MRPL48: variants seen among roughly 807,000 people sequenced by gnomAD.
The protein encoded by MRPL48 is large ribosomal subunit protein mL48.
Under a neutral mutation model 32.9 loss-of-function variants are expected in MRPL48, and 16 were observed. That is an observed-to-expected ratio of 0.49 (90% CI 0.33 to 0.74). MRPL48 has a LOEUF of 0.74. Ranked by LOEUF, MRPL48 falls within the 30% of genes least tolerant of loss-of-function variation. MRPL48 has a pLI of 0.02. For synonymous variants in MRPL48, 94 were observed against 89.2 expected, an observed-to-expected ratio of 1.05 and a Z score of -0.31; for missense variants, 206 against 245.3, an observed-to-expected ratio of 0.84 and a Z score of 1.07.
intron 3 of MRPL48, among the ~76,000 whole-genome samples, chr11:73,809,341 A>T (rs888050967): frequency 6.6e-6 from 1 of 151,758 alleles, no homozygotes; most frequent in East Asian, 1.9e-4. Context: ...CATCTCTACT[A>T]AAAATACAAA....
At chr11:73,828,755 CTT>C (rs564348569) in intron 4 of MRPL48, among the ~76,000 whole-genome samples, 15 of 139,796 alleles carry the variant, frequency 1.1e-4, no homozygotes, top group Admixed American at 2.2e-4. Flanking sequence ...CATCCCCCTT[CTT>C]TTTTTTTTTT....
intron 1 of MRPL48, among the ~76,000 whole-genome samples, chr11:73,799,355 A>G (rs1947314978): frequency 6.6e-6 from 1 of 152,200 alleles, no homozygotes; most frequent in South Asian, 2.1e-4. Flanking sequence ...TTGTCTCAAA[A>G]ACAAAAGAAT....
intron 3 of MRPL48, among the ~76,000 whole-genome samples, chr11:73,818,268 G>C (rs1590957153): frequency 6.6e-6 from 1 of 152,278 alleles, no homozygotes; most frequent in South Asian, 2.1e-4. Flanking sequence ...GGGCTTGATT[G>C]TGGTGACCAT....
At chr11:73,825,866 T>A in intron 4 of MRPL48, 70 bp downstream of exon 4, 1 of 1,275,350 alleles carries the variant, frequency 7.8e-7, no homozygotes, top group Non-Finnish European at 1.1e-6. Context: ...AGATCAGATA[T>A]GTATAGTTTT....
intron 5 of MRPL48, among the ~76,000 whole-genome samples, chr11:73,846,257 C>T (rs866582850): frequency 6.6e-6 from 1 of 151,978 alleles, no homozygotes; most frequent in East Asian, 1.9e-4. Context: ...TGGCTTCTTT[C>T]ACTTATCATA....
chr11:73,790,880 C>CTTTTTTTTTTTTT (rs71469471), intron 1 of MRPL48, among the ~76,000 whole-genome samples: 3 of 86,408 alleles, frequency 3.5e-5, no homozygotes, highest in African/African-American at 4.5e-5. Context: ...CTTTTCTGTT[C>CTTTTTTTTTTTTT]TTTTTTTTTT....
chr11:73,813,521 A>AT, intron 3 of MRPL48, among the ~76,000 whole-genome samples: 2 of 151,778 alleles, frequency 1.3e-5, no homozygotes, highest in East Asian at 3.9e-4. Context: ...TTACTTTTTC[A>AT]TTTTTGATTT....
chr11:73,840,032 A>G (rs1174840855), intron 4 of MRPL48, among the ~76,000 whole-genome samples: 1 of 151,478 alleles, frequency 6.6e-6, no homozygotes, highest in African/African-American at 2.4e-5. Context: ...CCGGAGTTCC[A>G]GGCTGCAGTG....
intron 1 of MRPL48, among the ~76,000 whole-genome samples, chr11:73,788,453 G>C (rs1008180671): frequency 1.3e-5 from 2 of 150,462 alleles, no homozygotes; most frequent in African/African-American, 4.9e-5. Context: ...TAATAAACTA[G>C]GTTTTTGTTC....
intron 4 of MRPL48, among the ~76,000 whole-genome samples, chr11:73,838,987 A>G (rs986958160): frequency 6.6e-6 from 1 of 152,208 alleles, no homozygotes; most frequent in African/African-American, 2.4e-5. Context: ...GACTCATTGT[A>G]TGTTTTCTCT....
At chr11:73,789,857 T>C (rs896785694) in intron 1 of MRPL48, among the ~76,000 whole-genome samples, 1 of 152,166 alleles carries the variant, frequency 6.6e-6, no homozygotes, top group African/African-American at 2.4e-5. Context: ...ATAGAGACTT[T>C]AATGTCATAC....
intron 4 of MRPL48, among the ~76,000 whole-genome samples, chr11:73,834,328 T>G (rs1377701507): frequency 6.6e-6 from 1 of 152,208 alleles, no homozygotes; most frequent in African/African-American, 2.4e-5. Context: ...GACATAAAAG[T>G]ATAAGTAGAT....
chr11:73,800,235 C>T (rs1234863259), intron 1 of MRPL48, among the ~76,000 whole-genome samples: 1 of 151,312 alleles, frequency 6.6e-6, no homozygotes, highest in African/African-American at 2.4e-5. Context: ...TAGTAAGATC[C>T]GGTCTCTTAA....
At position 73,850,972 on chromosome 11, in the gene MRPL48, G is replaced by A. The variant is rs181681690; in HGVS notation, c.371+5996G>A. On this transcript the variant is annotated intron_variant, in intron 5 of 7. Coordinates refer to ENST00000310614, the MANE Select transcript of MRPL48 (RefSeq NM_016055.6). ...ATTACAGGCGTGAGCCACCGCGCCC[G>A]GCCTGGGCTATACAATTTTTTATGA... 52 of 358,638 alleles carry A rather than the reference G, an allele frequency of 1.4e-4. No homozygotes were observed. The East Asian group carries it at 2.7e-3, about 18-fold the overall frequency. 22.2% of individuals were successfully genotyped at this position (358,638 alleles called of 1,614,324 possible). A position where few individuals can be genotyped will look rare whatever the true frequency, so the allele number is the denominator to read the frequency against.
chr11:73,802,370 G>A (rs1947376182), intron 1 of MRPL48, among the ~76,000 whole-genome samples: 1 of 152,062 alleles, frequency 6.6e-6, no homozygotes, highest in Non-Finnish European at 1.5e-5. Context: ...TTAAAGTGTG[G>A]AATTCAGTAG....
chr11:73,802,851 C>T (rs185209220), intron 1 of MRPL48, among the ~76,000 whole-genome samples: 15 of 152,152 alleles, frequency 9.9e-5, no homozygotes, highest in African/African-American at 3.6e-4. Context: ...AGGTGTGCAC[C>T]ACCACGCCTG....
intron 4 of MRPL48, among the ~76,000 whole-genome samples, 177 bp downstream of exon 4, chr11:73,825,973 A>G (rs1947882328): frequency 6.6e-6 from 1 of 152,172 alleles, no homozygotes; most frequent in Non-Finnish European, 1.5e-5. Flanking sequence ...CCAACTTCCA[A>G]TCTTATCCCT....
intron 4 of MRPL48, among the ~76,000 whole-genome samples, chr11:73,827,101 T>C (rs1382873880): frequency 6.6e-6 from 1 of 151,206 alleles, no homozygotes; most frequent in Non-Finnish European, 1.5e-5. Context: ...AAATCTAAAA[T>C]AGGCTGGGTG....
At chr11:73,856,820 C>G (rs1948487913) in intron 5 of MRPL48, among the ~76,000 whole-genome samples, 1 of 152,026 alleles carries the variant, frequency 6.6e-6, no homozygotes, top group Admixed American at 6.6e-5. Flanking sequence ...TCATTTATTT[C>G]CTTCCATTTT....
Sources: allele counts gnomAD v4.1 joint callset (sites outside exome capture counted in the v4.1 genomes callset), GRCh38; gene constraint gnomAD v4.1.1; transcripts MANE v1.5; gene names NCBI Gene and HGNC (gene_info 2026-07-23, HGNC 2026-07-21).